The following BARX2 variants were observed in gnomAD, a reference collection of about 807,000 sequenced individuals.
BARX2 encodes homeobox protein BarH-like 2.
BARX2 carries 11 observed loss-of-function variants against 25.5 expected under a neutral mutation model. The observed-to-expected ratio is 0.43, with a 90% CI of 0.27 to 0.71. The LOEUF (loss-of-function observed/expected upper bound fraction) is 0.71, where lower values mean the gene tolerates loss of function less well. BARX2 is among the 30% of genes least tolerant of loss of function. BARX2 has a pLI of 0.19. For missense variants in BARX2, 360 were observed against 359.9 expected (o/e 1.00, Z 0.00); for synonymous variants, 137 against 149.5 (o/e 0.92, Z 0.61).
intron 1 of BARX2, among the ~76,000 whole-genome samples, chr11:129,401,823 G>T (rs1861778414): frequency 6.6e-6 from 1 of 152,090 alleles, no homozygotes; most frequent in African/African-American, 2.4e-5. Flanking sequence ...AGGTGTGGTG[G>T]CAGACACCTA....
intron 1 of BARX2, among the ~76,000 whole-genome samples, chr11:129,422,471 A>T (rs11819907): frequency 0.016 from 2,405 of 151,026 alleles, 54 homozygotes; most frequent in African/African-American, 0.054. Flanking sequence ...GCTAATTTTT[A>T]AAATTTCCAT....
At chr11:129,391,838 G>A (rs990627308) in intron 1 of BARX2, among the ~76,000 whole-genome samples, 4 of 152,214 alleles carry the variant, frequency 2.6e-5, no homozygotes, top group African/African-American at 9.6e-5. Flanking sequence ...GGTTTTCCCA[G>A]GGGGAATCTG....
chr11:129,394,593 G>A (rs1051215188), intron 1 of BARX2, among the ~76,000 whole-genome samples: 1 of 151,794 alleles, frequency 6.6e-6, no homozygotes, highest in South Asian at 2.1e-4. Context: ...GGCATTTATT[G>A]TAAAACCACT....
chr11:129,404,207 G>A (rs1028494267), intron 1 of BARX2, among the ~76,000 whole-genome samples: 3 of 152,182 alleles, frequency 2.0e-5, no homozygotes, highest in African/African-American at 4.8e-5. Context: ...TCTGAATGAC[G>A]TTGCCACGTC....
intron 1 of BARX2, among the ~76,000 whole-genome samples, chr11:129,395,151 T>C (rs535553066): frequency 3.5e-4 from 54 of 152,212 alleles, no homozygotes; most frequent in South Asian, 6.2e-4. Context: ...TTTTATATAA[T>C]TTAAAAAACA....
intron 1 of BARX2, among the ~76,000 whole-genome samples, chr11:129,421,170 G>C (rs866121410): frequency 3.9e-5 from 6 of 152,306 alleles, no homozygotes; most frequent in African/African-American, 1.4e-4. Context: ...TGTGCATTGT[G>C]TTGCAAAATC....
At position 129,451,267 on chromosome 11, in the gene BARX2, G is replaced by A. The variant is rs144013495; in HGVS notation, c.705G>A (p.Glu235=). Residue 235 remains glutamate (E), a synonymous_variant, in exon 4 of 4, where the codon GAG becomes GAA. Transcript: ENST00000281437. The part of the protein sequence containing the change: ...NSQAQGQEQL[E]PSQGQEELCE... ...AGGCCCAGGGTCAGGAGCAGCTGGA[G>A]CCCTCTCAGGGGCAGGAGGAGCTCT... is the stretch of plus-strand genomic sequence containing the variant. 1.7e-5 allele frequency: 28 copies of A among 1,614,194 alleles called. No individual in the cohort carries two copies. The highest frequency in any genetic ancestry group is 2.3e-5 in the Non-Finnish European group (27 of 1,180,046).
intron 1 of BARX2, among the ~76,000 whole-genome samples, chr11:129,419,078 G>A (rs1342272884): frequency 6.6e-6 from 1 of 152,214 alleles, no homozygotes; most frequent in Non-Finnish European, 1.5e-5. Flanking sequence ...CCCTGTGTGA[G>A]TGAGTGTGGG....
intron 1 of BARX2, among the ~76,000 whole-genome samples, chr11:129,398,831 C>T (rs1195825344): frequency 6.6e-6 from 1 of 152,176 alleles, no homozygotes; most frequent in Non-Finnish European, 1.5e-5. Context: ...CAGTAGTTGG[C>T]TTAATAGAAC....
intron 1 of BARX2, among the ~76,000 whole-genome samples, chr11:129,399,687 A>G (rs1201044331): frequency 2.6e-5 from 4 of 152,200 alleles, no homozygotes; most frequent in Admixed American, 2.0e-4. Flanking sequence ...TGTGCCCAGA[A>G]TAGCAGCTCA....
chr11:129,378,787 G>C (rs1419876524), intron 1 of BARX2, among the ~76,000 whole-genome samples: 1 of 148,662 alleles, frequency 6.7e-6, no homozygotes, highest in Non-Finnish European at 1.5e-5. Flanking sequence ...AAATTAAAAA[G>C]TTACCAGCAT....
chr11:129,379,267 A>G (rs1861536866), intron 1 of BARX2, among the ~76,000 whole-genome samples: 1 of 152,220 alleles, frequency 6.6e-6, no homozygotes, highest in African/African-American at 2.4e-5. Context: ...GAATGCCTCC[A>G]TTTGAAAAGA....
chr11:129,432,141 C>A (rs1862136774), intron 1 of BARX2, among the ~76,000 whole-genome samples: 1 of 152,134 alleles, frequency 6.6e-6, no homozygotes, highest in African/African-American at 2.4e-5. Context: ...CAGCTCACTG[C>A]AACCTCCGCC....
At chr11:129,439,573 T>C (rs1483972539) in intron 2 of BARX2, among the ~76,000 whole-genome samples, 1 of 152,190 alleles carries the variant, frequency 6.6e-6, no homozygotes, top group Non-Finnish European at 1.5e-5. Flanking sequence ...CTGTGGTTTC[T>C]GGACTGGGCC....
intron 1 of BARX2, among the ~76,000 whole-genome samples, chr11:129,381,499 T>C (rs1861563810): frequency 6.6e-6 from 1 of 152,210 alleles, no homozygotes; most frequent in East Asian, 1.9e-4. Context: ...ATTTTCTCTT[T>C]GAACTCTACC....
At chr11:129,403,148 G>T (rs1178358102) in intron 1 of BARX2, among the ~76,000 whole-genome samples, 1 of 152,244 alleles carries the variant, frequency 6.6e-6, no homozygotes, top group Non-Finnish European at 1.5e-5. Flanking sequence ...CCCAGCTCAA[G>T]TGGGTTTTTC....
At chr11:129,378,684 C>T (rs1341636743) in intron 1 of BARX2, among the ~76,000 whole-genome samples, 2 of 148,698 alleles carry the variant, frequency 1.3e-5, no homozygotes, top group Non-Finnish European at 1.5e-5. Context: ...ACTTTCTCAG[C>T]CTTTCATTTG....
At chr11:129,419,613 GC>G (rs1426243846) in intron 1 of BARX2, among the ~76,000 whole-genome samples, 2 of 152,076 alleles carry the variant, frequency 1.3e-5, no homozygotes, top group African/African-American at 2.4e-5. Context: ...CCCTAGTGGT[GC>G]CCAGTGAGTG....
chr11:129,418,904 T>C (rs1861973445), intron 1 of BARX2, among the ~76,000 whole-genome samples: 2 of 152,256 alleles, frequency 1.3e-5, no homozygotes, highest in South Asian at 4.1e-4. Context: ...CATTCAATGT[T>C]GTTTCATTAT....
Sources: gnomAD v4.1 joint callset for allele counts (sites outside exome capture counted in the v4.1 genomes callset) on GRCh38, gnomAD v4.1.1 for gene constraint, MANE v1.5 for transcripts, NCBI Gene and HGNC (gene_info 2026-07-23, HGNC 2026-07-21) for gene names.